Variants in SOX5 observed in about 807,000 individuals in gnomAD.
The protein encoded by SOX5 is SRY-box transcription factor 5, also known as transcription factor SOX-5.
Under a neutral mutation model 92.0 loss-of-function variants are expected in SOX5, and 9 were observed. The observed-to-expected ratio is 0.10, with a 90% CI of 0.06 to 0.17. SOX5 has a LOEUF of 0.17. SOX5 is among the 10% of genes least tolerant of loss of function. SOX5 has a pLI of 1.00. For synonymous variants in SOX5, 344 were observed against 336.3 expected (o/e 1.02, Z -0.25); for missense variants, 642 against 944.5 (o/e 0.68, Z 4.20).
intron 7 of SOX5, among the ~76,000 whole-genome samples, chr12:23,663,531 C>A (rs2083356637): frequency 6.6e-6 from 1 of 152,046 alleles, no homozygotes; most frequent in African/African-American, 2.4e-5. Context: ...CTTACTTCTG[C>A]AGTTGCTTTA....
At chr12:23,976,398 CA>C (rs139277769) in intron 4 of SOX5, among the ~76,000 whole-genome samples, 3 of 106,792 alleles carry the variant, frequency 2.8e-5, no homozygotes, top group Non-Finnish European at 5.3e-5. Flanking sequence ...ATTAAAAAAA[CA>C]AAAAAACAAA....
At chr12:24,440,408 C>T (rs1940298617) in intron 1 of SOX5, among the ~76,000 whole-genome samples, 1 of 152,106 alleles carries the variant, frequency 6.6e-6, no homozygotes, top group Non-Finnish European at 1.5e-5. Context: ...TCCAGGAGAT[C>T]CCATCTCTTC....
chr12:24,547,727 C>T (rs1952783431), intron 1 of SOX5, among the ~76,000 whole-genome samples: 3 of 152,182 alleles, frequency 2.0e-5, no homozygotes, highest in South Asian at 4.1e-4. Context: ...AACCTCTCTT[C>T]GGTGCTCTCA....
intron 1 of SOX5, chr12:23,920,696 G>A (rs1259298716): frequency 6.6e-6 from 1 of 152,126 alleles, no homozygotes; most frequent in Non-Finnish European, 1.5e-5. Flanking sequence ...GTCTATAAGT[G>A]GGAGAAAAGA....
intron 4 of SOX5, among the ~76,000 whole-genome samples, chr12:24,086,841 A>T (rs1944051510): frequency 6.6e-6 from 1 of 152,100 alleles, no homozygotes; most frequent in African/African-American, 2.4e-5. Flanking sequence ...TGTAACTGTG[A>T]GACACAAAAA....
intron 1 of SOX5, among the ~76,000 whole-genome samples, chr12:24,547,757 A>G (rs1282553125): frequency 6.6e-6 from 1 of 152,188 alleles, no homozygotes; most frequent in Non-Finnish European, 1.5e-5. Flanking sequence ...ATCTGGGTTT[A>G]TTTCTCTATC....
intron 1 of SOX5, among the ~76,000 whole-genome samples, chr12:24,461,224 G>C (rs185314938): frequency 6.7e-6 from 1 of 148,706 alleles, no homozygotes; most frequent in East Asian, 2.0e-4. Flanking sequence ...TTTTGTAGGA[G>C]GATTTATTGT....
In SOX5 at chr12:23,534,439, A is replaced by G; in HGVS notation, c.2072T>C (p.Leu691Pro). 6.2e-7 allele frequency: 1 copy of G among 1,614,090 alleles called. No homozygotes were observed. Among genetic ancestry groups the G allele is most frequent in the Non-Finnish European group, 8.5e-7 (1 of 1,179,994 alleles). ...IAMAGMPSPH[L>P]PSEHSSVSSS... ...AGACACGCTTGAGTGCTCCGAGGGCAGGTGAGGGGAGGGCATCCCAGCCAT... is the reference window on the plus strand; with the variant it reads ...AGACACGCTTGAGTGCTCCGAGGGCGGGTGAGGGGAGGGCATCCCAGCCAT... Residue 691 changes from leucine to proline, a missense_variant, in exon 15 of 15, where the codon CTG (leucine) becomes CCG (proline). Transcript: ENST00000451604.
chr12:23,801,661 T>TG (rs1232584406), intron 3 of SOX5, among the ~76,000 whole-genome samples: 2 of 152,194 alleles, frequency 1.3e-5, no homozygotes, highest in Non-Finnish European at 2.9e-5. Flanking sequence ...TTTTCTCCAC[T>TG]TTTTAACATT....
At chr12:23,635,187 G>T (rs2079063026) in intron 8 of SOX5, among the ~76,000 whole-genome samples, 1 of 152,090 alleles carries the variant, frequency 6.6e-6, no homozygotes, top group Admixed American at 6.6e-5. Flanking sequence ...GAAACCTGAG[G>T]GGTAAGTGGG....
At chr12:23,598,555 C>A (rs538898114) in intron 9 of SOX5, among the ~76,000 whole-genome samples, 8 of 151,532 alleles carry the variant, frequency 5.3e-5, no homozygotes, top group Admixed American at 1.3e-4. Context: ...CCTGCCACCA[C>A]GCCCGGCTAA....
At chr12:23,876,190 A>G (rs2136968554) in intron 2 of SOX5, among the ~76,000 whole-genome samples, 1 of 152,332 alleles carries the variant, frequency 6.6e-6, no homozygotes, top group Admixed American at 6.5e-5. Context: ...TGAACAGGCA[A>G]CCTACAGAAT....
intron 1 of SOX5, among the ~76,000 whole-genome samples, chr12:24,459,273 C>T (rs1397820042): frequency 6.6e-6 from 1 of 152,152 alleles, no homozygotes; most frequent in African/African-American, 2.4e-5. Flanking sequence ...TGATGGAGTG[C>T]TGTTTCTGAA....
intron 2 of SOX5, among the ~76,000 whole-genome samples, chr12:24,321,091 C>T (rs1359939422): frequency 6.6e-6 from 1 of 152,016 alleles, no homozygotes; most frequent in Non-Finnish European, 1.5e-5. Context: ...GTTAGAAGGC[C>T]TGGTTGTATG....
intron 10 of SOX5, among the ~76,000 whole-genome samples, 171 bp downstream of exon 10, chr12:23,575,490 A>C (rs1369701324): frequency 6.6e-6 from 1 of 152,240 alleles, no homozygotes; most frequent in African/African-American, 2.4e-5. Flanking sequence ...CTTAGACTTT[A>C]GTGAGAAATT....
intron 4 of SOX5, among the ~76,000 whole-genome samples, chr12:24,100,408 C>T (rs1295174459): frequency 6.6e-6 from 1 of 152,114 alleles, no homozygotes; most frequent in South Asian, 2.1e-4. Context: ...AAAGTCAGTC[C>T]TCCATTTATA....
At chr12:24,374,266 A>C (rs1230442116) in intron 1 of SOX5, among the ~76,000 whole-genome samples, 1 of 151,522 alleles carries the variant, frequency 6.6e-6, no homozygotes, top group Admixed American at 6.6e-5. Flanking sequence ...TTTCATTGAC[A>C]TTTCTTGGTG....
intron 3 of SOX5, among the ~76,000 whole-genome samples, chr12:24,244,682 G>A (rs559402898): frequency 2.0e-4 from 30 of 152,074 alleles, no homozygotes; most frequent in African/African-American, 6.8e-4. Flanking sequence ...GTAAGAGATC[G>A]ATAAATATTA....
intron 3 of SOX5, among the ~76,000 whole-genome samples, chr12:24,244,498 G>C (rs994933622): frequency 2.0e-5 from 3 of 152,158 alleles, no homozygotes; most frequent in Non-Finnish European, 4.4e-5. Flanking sequence ...GCAGGAAAAA[G>C]GTGAATGGTT....
Sources: gnomAD v4.1 joint callset for allele counts (sites outside exome capture counted in the v4.1 genomes callset) on GRCh38, gnomAD v4.1.1 for gene constraint, MANE v1.5 for transcripts, NCBI Gene and HGNC (gene_info 2026-07-23, HGNC 2026-07-21) for gene names.